Variants in MATN4 observed in about 807,000 individuals in gnomAD.
MATN4 encodes matrilin-4.
Under a neutral mutation model 54.6 loss-of-function variants are expected in MATN4, and 40 were observed. That is an observed-to-expected ratio of 0.73 (90% CI 0.57 to 0.95). The LOEUF (loss-of-function observed/expected upper bound fraction) is 0.95, where lower values mean the gene tolerates loss of function less well. MATN4 is among the 40% of genes least tolerant of loss of function. The pLI is 0.00. For missense variants in MATN4, 810 were observed against 819.1 expected (o/e 0.99, Z 0.13); for synonymous variants, 351 against 345.3 (o/e 1.02, Z -0.18).
Position 45,304,575 on chromosome 20 carries a change from C to T in MATN4, c.296G>A (p.Arg99His). ...RAFSRREDME[R>H]AIRDLVPLAQ... ...CAGAGGCACCAGGTCGCGGATGGCG[C>T]GCTCCATGTCCTCGCGGCGAGAGAA... The change falls in exon 3 of 10, where the codon CGC becomes CAC. Residue 99 changes from arginine (R) to histidine (H), a missense_variant. Coordinates refer to ENST00000372756, the MANE Select transcript of MATN4 (RefSeq NM_001393530.1). 6.3e-7 allele frequency: 1 copy of T among 1,598,124 alleles called. No homozygotes were observed. Among genetic ancestry groups the T allele is most frequent in the Non-Finnish European group, 8.6e-7 (1 of 1,167,470 alleles).
intron 6 of MATN4, among the ~76,000 whole-genome samples, chr20:45,300,058 T>A (rs2743246): frequency 0.52 from 78,965 of 151,332 alleles, 21,666 homozygotes; most frequent in African/African-American, 0.67. Flanking sequence ...ACAGGCCTTC[T>A]TTAGACACCA....
chr20:45,304,869 C>T, intron 2 of MATN4, 72 bp from the exon 3 acceptor site: 1 of 976,846 alleles, frequency 1.0e-6, no homozygotes, highest in Non-Finnish European at 1.5e-6. Context: ...CTAGGAAACC[C>T]AGGGGAAATG....
At position 45,298,265 on chromosome 20, in the gene MATN4, G is replaced by A. The variant is rs1422671139; in HGVS notation, c.1331C>T (p.Pro444Leu). Residue 444 changes from proline (P) to leucine (L), a missense_variant, in exon 7 of 10, where the codon CCC becomes CTC. Pro to Leu is a moderately conservative substitution (Grantham distance 98). Transcript: ENST00000372756. The surrounding 1 kb of genome is among the most constrained non-coding windows in gnomAD (Gnocchi z 4.6). ...AACACGAGGCACGTTAAGGGCACGG[G>A]GCCGTGCACCCTGCGCCTCGGAGAA... is the stretch of plus-strand genomic sequence containing the variant. ...HSFSEAQGAR[P>L]RALNVPRVGL... The A allele has an allele frequency of 6.2e-7, 1 of 1,613,236 alleles. No individual in the cohort carries two copies. Among genetic ancestry groups the A allele is most frequent in the Non-Finnish European group, 8.5e-7 (1 of 1,179,758 alleles).
chr20:45,296,261 G>C (rs1568870330), intron 8 of MATN4, among the ~76,000 whole-genome samples: 1 of 118,810 alleles, frequency 8.4e-6, no homozygotes, highest in South Asian at 3.0e-4. Flanking sequence ...GAATGACATA[G>C]AAAAAAAAAA....
Position 45,301,113 on chromosome 20 carries a change from C to G in MATN4, c.878G>C (p.Arg293Thr). The G allele has an allele frequency of 6.2e-7, 1 of 1,614,224 alleles. No individual in the cohort carries two copies. The highest frequency in any genetic ancestry group is 1.1e-5 in the South Asian group (1 of 91,088). The change falls in exon 5 of 10, where the codon AGG becomes ACG. Residue 293 changes from arginine to threonine, a missense_variant. Transcript: ENST00000372756. ...REGHDLQPDG[R>T]SCQVRDLCNG... ...AGAGCCCTCCTCACCCTGACAGCTCCTCCCATCAGGCTGCAAGTCATGGCC... is the reference window on the plus strand; with the variant it reads ...AGAGCCCTCCTCACCCTGACAGCTCGTCCCATCAGGCTGCAAGTCATGGCC...
intron 8 of MATN4, 140 bp downstream of exon 8, chr20:45,297,778 A>G (rs1985937897): frequency 1.0e-5 from 11 of 1,061,818 alleles, no homozygotes; most frequent in Non-Finnish European, 1.5e-5. Flanking sequence ...CCTGCAGACC[A>G]CATTTGGAGT....
chr20:45,294,003 C>CT lies in MATN4; in HGVS notation c.1591dup (p.Ser531LysfsTer103), dbSNP rs1568868743. On this transcript the variant is annotated frameshift_variant, in exon 9 of 10. Coordinates refer to ENST00000372756, the MANE Select transcript of MATN4 (RefSeq NM_001393530.1). LOFTEE classifies it high-confidence loss of function. Reference sequence around the variant, plus strand: ...TGGGCTCCGAAGCTCTGTCCCTGCGCTGATGCCCTCCTCTGCAAGCCGGAC... The same window carrying CT: ...TGGGCTCCGAAGCTCTGTCCCTGCGCTTGATGCCCTCCTCTGCAAGCCGGAC... 6.2e-7 allele frequency: 1 copy of CT among 1,601,750 alleles called. No individual in the cohort carries two copies. The highest frequency in any genetic ancestry group is 8.5e-7 in the Non-Finnish European group (1 of 1,179,564).
chr20:45,304,182 T>C, intron 3 of MATN4, 46 bp downstream of exon 3: 1 of 1,369,836 alleles, frequency 7.3e-7, no homozygotes, highest in East Asian at 2.7e-5. Flanking sequence ...AATCCAAGCA[T>C]TTGGATTGAG....
Position 45,304,214 on chromosome 20 carries a change from C to T in MATN4, c.643+14G>A. On this transcript the variant is annotated intron_variant, in intron 3 of 9. Coordinates refer to ENST00000372756, the MANE Select transcript of MATN4 (RefSeq NM_001393530.1). ...TGAGAGTTCGAGCTTCACTCCAGCG[C>T]CCTCCTAACTCACCACACAGCCGGC... is the stretch of plus-strand genomic sequence containing the variant. 6.7e-7 allele frequency: 1 copy of T among 1,484,170 alleles called. No homozygotes were observed. The highest frequency in any genetic ancestry group is 8.9e-7 in the Non-Finnish European group (1 of 1,119,158). The allele number at this position is 1,484,170 out of a possible 1,614,324, so 91.9% of individuals were successfully genotyped here. A position where few individuals can be genotyped will look rare whatever the true frequency, so the allele number is the denominator to read the frequency against.
rs771857983 is a variant in MATN4 at position 45,304,676 on chromosome 20, G to C, written c.195C>G (p.Asn65Lys). 15 of 1,612,726 alleles carry C rather than the reference G, an allele frequency of 9.3e-6. No individual in the cohort carries two copies. Among genetic ancestry groups the C allele is most frequent in the Non-Finnish European group, 1.7e-6 (2 of 1,179,344 alleles). ...QFLMGLLRGL[N>K]VGPNATRVGV... ...CAACGCGCGTGGCGTTGGGACCCAC[G>C]TTCAGGCCTCGGAGGAGGCCCATGA... Residue 65 changes from asparagine (N) to lysine (K), a missense_variant, in exon 3 of 10, where the codon AAC (asparagine) becomes AAG (lysine). Asn to Lys is a moderately conservative substitution (Grantham distance 94). Transcript: ENST00000372756.
In MATN4 at chr20:45,300,990, G is replaced by A. The variant is rs142587642; in HGVS notation, c.909C>T (p.Gly303=). The A allele has an allele frequency of 5.3e-4, 849 of 1,613,994 alleles. 5 individuals are homozygous for A. In the African/African-American group the frequency reaches 8.9e-3, roughly 17 times the overall value. ...RSCQVRDLCN[G]VDHGCEFQCV... is the part of the protein sequence containing the mutation. ...ACTGGAACTCACAGCCATGGTCCAC[G>A]CCATTGCAAAGGTCCCGGACTGAAA... The change falls in exon 6 of 10, where the codon GGC becomes GGT. Residue 303 remains glycine (G), a synonymous_variant. Coordinates refer to ENST00000372756, the MANE Select transcript of MATN4 (RefSeq NM_001393530.1).
At chr20:45,295,612 C>T (rs1194137846) in intron 8 of MATN4, among the ~76,000 whole-genome samples, 3 of 152,092 alleles carry the variant, frequency 2.0e-5, no homozygotes, top group African/African-American at 4.8e-5. Flanking sequence ...TGGTCTCGAT[C>T]CCCTGACCTT....
intron 3 of MATN4, among the ~76,000 whole-genome samples, chr20:45,302,614 G>C (rs1477126718): frequency 6.6e-6 from 1 of 151,874 alleles, no homozygotes; most frequent in Non-Finnish European, 1.5e-5. Context: ...CTTAAAAAGA[G>C]AGAGTCTTGA....
intron 6 of MATN4, among the ~76,000 whole-genome samples, chr20:45,300,479 C>T (rs1255705193): frequency 6.6e-6 from 1 of 151,860 alleles, no homozygotes; most frequent in Non-Finnish European, 1.5e-5. Context: ...ATAACTCTTT[C>T]TACAGGCAGT....
At chr20:45,301,254 T>C in intron 4 of MATN4, 30 bp from the exon 5 acceptor site, 1 of 1,600,978 alleles carries the variant, frequency 6.2e-7, no homozygotes, top group Non-Finnish European at 8.5e-7. Context: ...AGCAAGATGT[T>C]GCCTCTGATT....
intron 4 of MATN4, 33 bp from the exon 5 acceptor site, chr20:45,301,257 C>T (rs755466069): frequency 3.8e-5 from 61 of 1,613,430 alleles, no homozygotes; most frequent in Non-Finnish European, 1.6e-5. Flanking sequence ...AAGATGTTGC[C>T]TCTGATTGGA....
At chr20:45,303,082 C>CAAAAAAAAA (rs79635257) in intron 3 of MATN4, among the ~76,000 whole-genome samples, 1 of 82,926 alleles carries the variant, frequency 1.2e-5, no homozygotes, top group Non-Finnish European at 2.4e-5. Context: ...GACTCTGTCT[C>CAAAAAAAAA]AAAAAAAAAA....
Position 45,304,300 on chromosome 20 carries a change from C to A in MATN4, c.571G>T (p.Glu191Ter). Residue 191 changes from glutamate (E) to a stop codon, truncating the protein, a stop_gained, in exon 3 of 10, where the codon GAG becomes TAG. Transcript: ENST00000372756. LOFTEE classifies it high-confidence loss of function. ...LRAMASPPLDEHVFLVESFDL... is the reference protein window; with the variant it reads ...LRAMASPPLD The stretch of plus-strand genomic sequence containing the variant: ...AAGGACTCTACGAGGAAGACGTGCT[C>A]GTCTAGCGGGGGCGATGCCATGGCG... The A allele has an allele frequency of 6.5e-7, 1 of 1,544,892 alleles. No individual in the cohort carries two copies. The highest frequency in any genetic ancestry group is 2.4e-5 in the East Asian group (1 of 42,210).
intron 3 of MATN4, among the ~76,000 whole-genome samples, chr20:45,302,396 G>T (rs1486920724): frequency 6.6e-6 from 1 of 152,184 alleles, no homozygotes. Flanking sequence ...CATGTGTAAT[G>T]CTCCTAGCAC....
Sources: gnomAD v4.1 joint callset for allele counts (sites outside exome capture counted in the v4.1 genomes callset) on GRCh38, gnomAD v4.1.1 for gene constraint, Gnocchi (gnomAD v3.1) non-coding constraint, MANE v1.5 for transcripts, NCBI Gene and HGNC (gene_info 2026-07-23, HGNC 2026-07-21) for gene names.